The following KCTD15 variants were observed in gnomAD, a reference collection of about 807,000 sequenced individuals.
KCTD15 encodes the protein BTB/POZ domain-containing protein KCTD15.
In KCTD15, 11 loss-of-function variants were observed where a neutral mutation model predicts 27.2. The observed-to-expected ratio is 0.41, with a 90% CI of 0.25 to 0.67. The LOEUF (loss-of-function observed/expected upper bound fraction) is 0.67. Ranked by LOEUF, KCTD15 falls within the 30% of genes least tolerant of loss-of-function variation. KCTD15 has a pLI of 0.35. For synonymous variants in KCTD15, 163 were observed against 176.0 expected (o/e 0.93, Z 0.58); for missense variants, 350 against 409.3 (o/e 0.86, Z 1.25).
At chr19:33,811,870 A>G in intron 6 of KCTD15, 1 of 1,597,088 alleles carries the variant, frequency 6.3e-7, no homozygotes, top group Non-Finnish European at 8.5e-7. Flanking sequence ...TTGGATTCGA[A>G]CTAAACCCAG....
chr19:33,802,624 T>C (rs977827415), intron 4 of KCTD15, among the ~76,000 whole-genome samples: 8 of 151,910 alleles, frequency 5.3e-5, no homozygotes, highest in Admixed American at 2.0e-4. Flanking sequence ...GCTTGTGGGG[T>C]GGGGACAAGA....
chr19:33,794,896 G>A (rs1483484334), upstream of KCTD15, among the ~76,000 whole-genome samples: 1 of 152,358 alleles, frequency 6.6e-6, no homozygotes, highest in African/African-American at 2.4e-5. Context: ...CCTGGCCAGC[G>A]TGCCGAACGC....
chr19:33,808,207 C>T (rs1975773743), intron 5 of KCTD15, among the ~76,000 whole-genome samples: 1 of 152,204 alleles, frequency 6.6e-6, no homozygotes, highest in Admixed American at 6.5e-5. Context: ...TCCTTCATTC[C>T]TTCCTCTATC....
At chr19:33,798,085 CGGGAGGG>C (rs1975407221) in intron 1 of KCTD15, among the ~76,000 whole-genome samples, 1 of 149,506 alleles carries the variant, frequency 6.7e-6, no homozygotes, top group Non-Finnish European at 1.5e-5. Flanking sequence ...GCGGCGGAGG[CGGGAGGG>C]GGGGGGTGGG....
At chr19:33,811,638 G>A in intron 6 of KCTD15, 86 bp downstream of exon 6, 1 of 1,526,848 alleles carries the variant, frequency 6.5e-7, no homozygotes. Flanking sequence ...AGGGAGGCGC[G>A]ATCCCTGAAA....
rs114847587 is a variant in KCTD15 at position 33,806,089 on chromosome 19, A to G, written c.243-774A>G. ...TATGCACTGTGGTGCATGTGTGTGC[A>G]TGGTTTCTGTGTGCGTGTGTGTATG... On this transcript the variant is annotated intron_variant, in intron 4 of 6. Transcript: ENST00000683859. 2.1e-3 allele frequency among the ~76,000 whole-genome samples: 324 copies of G among 152,310 alleles called. 2 individuals carry two copies. The highest frequency in any genetic ancestry group is 7.4e-3 in the African/African-American group (306 of 41,572).
intron 4 of KCTD15, among the ~76,000 whole-genome samples, chr19:33,802,527 AT>A (rs1244492739): frequency 6.6e-6 from 1 of 152,014 alleles, no homozygotes; most frequent in Non-Finnish European, 1.5e-5. Flanking sequence ...CTAGTTCCAA[AT>A]TTGGAGAGTC....
chr19:33,812,474 G>C (rs1452604587), intron 6 of KCTD15: 24 of 1,162,730 alleles, frequency 2.1e-5, no homozygotes, highest in Non-Finnish European at 2.5e-5. Context: ...ACACCCTACA[G>C]AATAAAGAAG....
intron 4 of KCTD15, among the ~76,000 whole-genome samples, chr19:33,805,305 G>GTCTGATGCATGGT (rs1472216164): frequency 6.6e-6 from 1 of 152,202 alleles, no homozygotes; most frequent in African/African-American, 2.4e-5. Flanking sequence ...GACCATCATG[G>GTCTGATGCATGGT]CTGATGCATT....
At chr19:33,798,871 C>CT (rs2145430799) in intron 2 of KCTD15, 105 bp downstream of exon 2, 1 of 152,508 alleles carries the variant, frequency 6.6e-6, no homozygotes, top group Admixed American at 6.5e-5. Flanking sequence ...GTTCACGTCA[C>CT]TTTGGAATAG....
At chr19:33,810,194 G>GGC (rs901376419) in intron 5 of KCTD15, among the ~76,000 whole-genome samples, 7 of 152,160 alleles carry the variant, frequency 4.6e-5, no homozygotes, top group Non-Finnish European at 7.4e-5. Flanking sequence ...CAGGGCATGG[G>GGC]GCCAGTATCA....
At chr19:33,802,783 A>T (rs1003790103) in intron 4 of KCTD15, among the ~76,000 whole-genome samples, 4 of 152,228 alleles carry the variant, frequency 2.6e-5, no homozygotes, top group Non-Finnish European at 5.9e-5. Flanking sequence ...TAATCGGTTG[A>T]CGACGTTTGT....
In KCTD15 at chr19:33,811,372, G is replaced by T. The variant is rs767483884; in HGVS notation, c.513G>T (p.Val171=). Residue 171 remains valine, a synonymous_variant, in exon 6 of 7, where the codon GTG becomes GTT. Coordinates refer to ENST00000683859, the MANE Select transcript of KCTD15 (RefSeq NM_001129994.2). ...RRSRACDCLV[V]RVTPDLGERI... ...GCCGGGCCTGTGACTGCCTGGTGGTGCGCGTCACGCCCGACTTGGGCGAGC... is the reference window on the plus strand; with the variant it reads ...GCCGGGCCTGTGACTGCCTGGTGGTTCGCGTCACGCCCGACTTGGGCGAGC... 5.0e-6 allele frequency: 8 copies of T among 1,585,106 alleles called. No individual in the cohort carries two copies. The highest frequency in any genetic ancestry group is 1.3e-5 in the African/African-American group (1 of 74,170).
intron 4 of KCTD15, 160 bp downstream of exon 4, chr19:33,801,502 C>A (rs960822232): frequency 5.1e-6 from 3 of 588,938 alleles, no homozygotes; most frequent in Non-Finnish European, 8.6e-6. Flanking sequence ...GTTGGGGAGT[C>A]CAAGTCTGCC....
At chr19:33,801,044 G>A (rs1197692792) in intron 3 of KCTD15, 123 bp from the exon 4 acceptor site, 2 of 891,676 alleles carry the variant, frequency 2.2e-6, no homozygotes. Context: ...TCAGGCACGG[G>A]CAGAAGTGAT....
At chr19:33,803,888 A>G (rs80246986) in intron 4 of KCTD15, among the ~76,000 whole-genome samples, 7,617 of 151,828 alleles carry the variant, frequency 0.05, 268 homozygotes, top group Non-Finnish European at 0.08. Flanking sequence ...GGCCATCCTG[A>G]TGCTCCCCCT....
At chr19:33,802,777 C>T (rs748493452) in intron 4 of KCTD15, among the ~76,000 whole-genome samples, 4 of 152,236 alleles carry the variant, frequency 2.6e-5, no homozygotes, top group African/African-American at 9.6e-5. Flanking sequence ...ATCCCTTAAT[C>T]GGTTGACGAC....
rs777397268 is a variant in KCTD15 at position 33,811,306 on chromosome 19, G to A, written c.447G>A (p.Glu149=). The change falls in exon 6 of 7, where the codon GAG becomes GAA. Residue 149 remains glutamate, a synonymous_variant. Coordinates refer to ENST00000683859, the MANE Select transcript of KCTD15 (RefSeq NM_001129994.2). ...ATCAGCTCCAGCCCATGGTGCGCGA[G>A]CTGGAGCGCTGGCAGCAGGAGCAGG... ...RYYQLQPMVR[E]LERWQQEQEQ... 15 of 1,549,332 alleles carry A rather than the reference G, an allele frequency of 9.7e-6. No homozygotes were observed. In the South Asian group the frequency reaches 1.8e-4, roughly 18 times the overall value.
chr19:33,811,691 T>C, intron 6 of KCTD15, 139 bp downstream of exon 6: 1 of 1,515,864 alleles, frequency 6.6e-7, no homozygotes. Flanking sequence ...GGCAACAATG[T>C]GTCGATGCAT....
Sources: gnomAD v4.1 joint callset for allele counts (sites outside exome capture counted in the v4.1 genomes callset) on GRCh38, gnomAD v4.1.1 for gene constraint, MANE v1.5 for transcripts, NCBI Gene and HGNC (gene_info 2026-07-23, HGNC 2026-07-21) for gene names.